The following FNIP1 variants were observed in gnomAD, a reference collection of about 807,000 sequenced individuals.
The protein encoded by FNIP1 is folliculin interacting protein 1.
Under a neutral mutation model 124.5 loss-of-function variants are expected in FNIP1, and 40 were observed. That is an observed-to-expected ratio of 0.32 (90% CI 0.25 to 0.42). The LOEUF is 0.42. Among genes scored for constraint, FNIP1 ranks in the 10% least tolerant of loss-of-function variants. The pLI is 1.00. For synonymous variants in FNIP1, 472 were observed against 470.6 expected, an observed-to-expected ratio of 1.00 and a Z score of -0.04; for missense variants, 1,176 against 1,403.7, an observed-to-expected ratio of 0.84 and a Z score of 2.59.
At chr5:131,778,376 C>T (rs929731693) in intron 1 of FNIP1, among the ~76,000 whole-genome samples, 3 of 151,902 alleles carry the variant, frequency 2.0e-5, no homozygotes, top group African/African-American at 7.3e-5. Context: ...ATTTATGCAG[C>T]CAAAAAACAC....
At chr5:131,671,046 C>T (rs1767734936) in intron 14 of FNIP1, among the ~76,000 whole-genome samples, 1 of 152,186 alleles carries the variant, frequency 6.6e-6, no homozygotes, top group South Asian at 2.1e-4. Context: ...AAATGCCTCA[C>T]AAGTCCAAAG....
intron 1 of FNIP1, among the ~76,000 whole-genome samples, chr5:131,751,539 A>AAT (rs1021013073): frequency 1.3e-5 from 2 of 152,018 alleles, no homozygotes; most frequent in African/African-American, 4.8e-5. Context: ...ATAGGCACTA[A>AAT]ATATTTCAGG....
intron 2 of FNIP1, among the ~76,000 whole-genome samples, chr5:131,738,501 T>C (rs1284979288): frequency 2.0e-5 from 3 of 151,826 alleles, no homozygotes; most frequent in Non-Finnish European, 4.4e-5. Flanking sequence ...TAGCTAGAAA[T>C]ATCTTTGCTT....
chr5:131,761,982 A>T (rs533257047), intron 1 of FNIP1, among the ~76,000 whole-genome samples: 1 of 152,300 alleles, frequency 6.6e-6, no homozygotes, highest in East Asian at 1.9e-4. Flanking sequence ...TTTCCAACAA[A>T]GCTGCCAAGA....
chr5:131,792,925 A>G (rs1452743050), intron 1 of FNIP1, among the ~76,000 whole-genome samples: 2 of 152,248 alleles, frequency 1.3e-5, no homozygotes, highest in Admixed American at 1.3e-4. Flanking sequence ...CAACCTGTAT[A>G]ACAAAAATCC....
chr5:131,683,590 A>T (rs1768165047), intron 11 of FNIP1, among the ~76,000 whole-genome samples: 1 of 150,580 alleles, frequency 6.6e-6, no homozygotes, highest in Non-Finnish European at 1.5e-5. Flanking sequence ...TAGAGTACTT[A>T]TAATACCAAA....
At chr5:131,665,573 AAT>A (rs559618794) in intron 15 of FNIP1, among the ~76,000 whole-genome samples, 7 of 149,556 alleles carry the variant, frequency 4.7e-5, no homozygotes, top group Admixed American at 1.3e-4. Context: ...AGGATTAAAA[AAT>A]ATATATATAT....
At chr5:131,663,285 CTA>C (rs1767501160) in intron 15 of FNIP1, among the ~76,000 whole-genome samples, 1 of 152,166 alleles carries the variant, frequency 6.6e-6, no homozygotes, top group Non-Finnish European at 1.5e-5. Context: ...GATATTTGGG[CTA>C]TATATACAGA....
At position 131,647,200 on chromosome 5, in the gene FNIP1, T is replaced by C; in HGVS notation, c.3312A>G (p.Val1104=). The change falls in exon 17 of 18, where the codon GTA becomes GTG. Residue 1104 remains valine (V), a synonymous_variant. Transcript: ENST00000510461. ...YKHNLSPNFC[V]MHLEDRLQEL... is the part of the protein sequence containing the mutation. The stretch of plus-strand genomic sequence containing the variant: ...CCTGCAACCGGTCTTCAAGATGCAT[T>C]ACACACTGCAGTTAGGGAGGAACCA... The C allele has an allele frequency of 6.2e-7, 1 of 1,613,444 alleles. No homozygotes were observed. Among genetic ancestry groups the C allele is most frequent in the East Asian group, 2.2e-5 (1 of 44,882 alleles).
intron 11 of FNIP1, among the ~76,000 whole-genome samples, chr5:131,689,081 G>A (rs1265465209): frequency 1.3e-5 from 2 of 150,740 alleles, no homozygotes; most frequent in Admixed American, 1.3e-4. Context: ...CTTAATGGAA[G>A]TAAGAAGGAC....
intron 1 of FNIP1, among the ~76,000 whole-genome samples, chr5:131,770,503 C>T (rs1344500068): frequency 6.6e-5 from 10 of 152,068 alleles, no homozygotes; most frequent in Non-Finnish European, 1.0e-4. Context: ...AACAGAAATG[C>T]GTTAATACAA....
intron 1 of FNIP1, among the ~76,000 whole-genome samples, chr5:131,766,249 C>T (rs576970768): frequency 1.4e-3 from 208 of 152,042 alleles, no homozygotes; most frequent in Admixed American, 3.9e-3. Context: ...GCTATGTGGC[C>T]CAGGCTGGTC....
At position 131,719,364 on chromosome 5, in the gene FNIP1, T is replaced by C; in HGVS notation, c.408A>G (p.Ser136=). 1 of 1,613,836 alleles carries C rather than the reference T, an allele frequency of 6.2e-7. No homozygotes were observed. Among genetic ancestry groups the C allele is most frequent in the East Asian group, 2.2e-5 (1 of 44,850 alleles). ...TGGATCCTTTGTAGCTCATTGCTAC[T>C]GAGCCAAACATCATCTCTCCAAGCA... ...ANMLGEMMFG[S]VAMSYKGSTL... The change falls in exon 4 of 18, where the codon TCA becomes TCG. Residue 136 remains serine, a synonymous_variant. Transcript: ENST00000510461.
chr5:131,731,012 T>C lies in FNIP1; in HGVS notation c.246A>G (p.Lys82=). Residue 82 remains lysine, a synonymous_variant, in exon 3 of 18, where the codon AAA becomes AAG. Transcript: ENST00000510461. ...VSKLGSDAQV[K]VFGKCCQLKP... ...TCAGTTGGCAGCATTTCCCAAAGAC[T>C]TTAACTTGAGCATCACTGCCGAGTT... 6.2e-7 allele frequency: 1 copy of C among 1,613,224 alleles called. No individual in the cohort carries two copies. The highest frequency in any genetic ancestry group is 8.5e-7 in the Non-Finnish European group (1 of 1,179,630).
At position 131,644,650 on chromosome 5, in the gene FNIP1, A is replaced by G. The variant is rs1217956265; in HGVS notation, c.*35T>C. ...GTGTCTGCTTCCTTGGTTTCTACCTATTTTCCCACCAATTTCTAACAATTT... is the reference window on the plus strand; with the variant it reads ...GTGTCTGCTTCCTTGGTTTCTACCTGTTTTCCCACCAATTTCTAACAATTT... On this transcript the variant is annotated 3_prime_UTR_variant, in exon 18 of 18. Coordinates refer to ENST00000510461, the MANE Select transcript of FNIP1 (RefSeq NM_133372.3). 1 of 1,583,086 alleles carries G rather than the reference A, an allele frequency of 6.3e-7. No individual in the cohort carries two copies. The highest frequency in any genetic ancestry group is 8.7e-7 in the Non-Finnish European group (1 of 1,152,808).
intron 15 of FNIP1, among the ~76,000 whole-genome samples, chr5:131,667,253 T>C (rs1471480452): frequency 6.6e-6 from 1 of 152,244 alleles, no homozygotes; most frequent in African/African-American, 2.4e-5. Context: ...TTCTTTTTCA[T>C]ACATATATCC....
intron 15 of FNIP1, among the ~76,000 whole-genome samples, chr5:131,658,840 G>A (rs569927165): frequency 7.2e-6 from 1 of 139,406 alleles, no homozygotes; most frequent in East Asian, 2.1e-4. Context: ...GCAGAACTTT[G>A]GGGGATGCTT....
intron 11 of FNIP1, among the ~76,000 whole-genome samples, chr5:131,682,083 A>C (rs536419206): frequency 3.3e-4 from 51 of 152,282 alleles, no homozygotes; most frequent in African/African-American, 1.2e-3. Context: ...TGGACCTTTC[A>C]GAAATTTTTG....
At chr5:131,726,243 T>G (rs1007068456) in intron 3 of FNIP1, among the ~76,000 whole-genome samples, 23 of 152,192 alleles carry the variant, frequency 1.5e-4, no homozygotes, top group Admixed American at 6.5e-5. Context: ...TTTTTTCTAT[T>G]GATTGGAATA....
Sources: gnomAD v4.1 joint callset for allele counts (sites outside exome capture counted in the v4.1 genomes callset) on GRCh38, gnomAD v4.1.1 for gene constraint, MANE v1.5 for transcripts, NCBI Gene and HGNC (gene_info 2026-07-23, HGNC 2026-07-21) for gene names.